Variants in TRIM23 observed in about 807,000 individuals in gnomAD.
TRIM23 encodes tripartite motif containing 23.
In TRIM23, 27 loss-of-function variants were observed where a neutral mutation model predicts 71.0. The observed-to-expected ratio is 0.38, with a 90% CI of 0.28 to 0.52. The LOEUF is 0.52. Ranked by LOEUF, TRIM23 falls within the 20% of genes least tolerant of loss-of-function variation. The pLI is 0.84. For missense variants in TRIM23, 482 were observed against 692.3 expected (o/e 0.70, Z 3.41); for synonymous variants, 234 against 238.0 (o/e 0.98, Z 0.16).
intron 1 of TRIM23, among the ~76,000 whole-genome samples, chr5:65,620,887 G>C (rs1450126433): frequency 6.7e-6 from 1 of 149,900 alleles, no homozygotes; most frequent in Non-Finnish European, 1.5e-5. Context: ...ACCAGCCTGG[G>C]CAACACAGCG....
chr5:65,621,552 T>G (rs760373564), intron 1 of TRIM23, among the ~76,000 whole-genome samples: 3 of 152,106 alleles, frequency 2.0e-5, no homozygotes, highest in Non-Finnish European at 4.4e-5. Flanking sequence ...AATGTATTTT[T>G]CAAAAAGCAC....
chr5:65,607,280 T>G (rs530127320), intron 6 of TRIM23: 1 of 152,216 alleles, frequency 6.6e-6, no homozygotes, highest in East Asian at 1.9e-4. Context: ...TAGATAATAC[T>G]GTATCATTAA....
chr5:65,594,735 A>G (rs1341263826), intron 9 of TRIM23, 90 bp from the exon 10 acceptor site: 5 of 1,212,014 alleles, frequency 4.1e-6, no homozygotes, highest in Non-Finnish European at 5.5e-6. Context: ...TTATTATGTT[A>G]TGGTTAGAGT....
intron 7 of TRIM23, among the ~76,000 whole-genome samples, chr5:65,604,232 G>A (rs1442239806): frequency 6.6e-6 from 1 of 152,088 alleles, no homozygotes; most frequent in Non-Finnish European, 1.5e-5. Flanking sequence ...AAGTAGCTGG[G>A]ATTATAGGCA....
intron 7 of TRIM23, among the ~76,000 whole-genome samples, chr5:65,603,146 C>T (rs1162338225): frequency 3.3e-5 from 5 of 151,934 alleles, no homozygotes; most frequent in East Asian, 1.9e-4. Flanking sequence ...TACCAGGGAC[C>T]GATGAGAGGG....
intron 1 of TRIM23, among the ~76,000 whole-genome samples, chr5:65,618,477 A>C (rs1425752359): frequency 6.6e-6 from 1 of 152,186 alleles, no homozygotes; most frequent in African/African-American, 2.4e-5. Flanking sequence ...TTGAAATACT[A>C]AGTGTTGGGG....
intron 2 of TRIM23, among the ~76,000 whole-genome samples, chr5:65,617,759 G>T (rs1206766256): frequency 1.3e-5 from 2 of 152,102 alleles, no homozygotes; most frequent in African/African-American, 4.8e-5. Context: ...AGAAAACATT[G>T]TTCTATTGGG....
intron 2 of TRIM23, among the ~76,000 whole-genome samples, chr5:65,614,911 T>C (rs1581189416): frequency 6.6e-6 from 1 of 152,298 alleles, no homozygotes; most frequent in South Asian, 2.1e-4. Context: ...TTTTACTTTT[T>C]TTTTGAGACA....
intron 1 of TRIM23, among the ~76,000 whole-genome samples, chr5:65,622,271 T>G (rs1020665363): frequency 6.6e-6 from 1 of 152,206 alleles, no homozygotes; most frequent in African/African-American, 2.4e-5. Context: ...GTTCAAGTGA[T>G]TCTCCTACCT....
At position 65,596,293 on chromosome 5, in the gene TRIM23, C is replaced by G. The variant is rs552133876; in HGVS notation, c.1420+128G>C. ...CTTTCATTTTTTACAAGTTAAGAAA[C>G]TGGCCACAGGTACTTAAGTATACAG... On this transcript the variant is annotated intron_variant, in intron 9 of 10. Coordinates refer to ENST00000231524, the MANE Select transcript of TRIM23 (RefSeq NM_001656.4). The G allele has an allele frequency of 1.1e-3, 750 of 655,992 alleles. 1 individual carries two copies. The highest frequency in any genetic ancestry group is 1.8e-3 in the Non-Finnish European group (661 of 369,566). 40.6% of individuals were successfully genotyped at this position (655,992 alleles called of 1,614,324 possible).
chr5:65,599,454 CAAAAGCA>C (rs978970423), intron 7 of TRIM23, among the ~76,000 whole-genome samples: 1 of 152,138 alleles, frequency 6.6e-6, no homozygotes, highest in Admixed American at 6.5e-5. Flanking sequence ...TATGTTGGTG[CAAAAGCA>C]ACTGCGGCTT....
intron 1 of TRIM23, among the ~76,000 whole-genome samples, chr5:65,619,047 T>C (rs1754848957): frequency 1.3e-5 from 2 of 152,234 alleles, no homozygotes; most frequent in East Asian, 3.8e-4. Flanking sequence ...AGTATATTTG[T>C]AGTGTTTCAT....
In TRIM23 at chr5:65,597,036, A is replaced by G; in HGVS notation, c.1309+15T>C. The G allele has an allele frequency of 1.2e-6, 2 of 1,613,324 alleles. No homozygotes were observed. The highest frequency in any genetic ancestry group is 1.7e-6 in the Non-Finnish European group (2 of 1,179,656). On this transcript the variant is annotated intron_variant, in intron 8 of 10. Coordinates refer to ENST00000231524, the MANE Select transcript of TRIM23 (RefSeq NM_001656.4). ...GGGTTTGTCTATTAAGGTAAAAACC[A>G]ATATTCATACTTACCAATTGTTGGA...
Position 65,592,072 on chromosome 5 carries a change from C to A in TRIM23, c.1546-124G>T, listed in dbSNP as rs116041618. On this transcript the variant is annotated intron_variant, in intron 10 of 10. Transcript: ENST00000231524. ...GAAGCCTAAACAAAAAACCTAGATT[C>A]ATCTTTCAGTAATTATTCTGAGATT... The A allele has an allele frequency of 6.8e-5, 61 of 898,598 alleles. No individual in the cohort carries two copies. In the Admixed American group the frequency reaches 1.8e-3, roughly 26 times the overall value. 55.7% of individuals were successfully genotyped at this position (898,598 alleles called of 1,614,324 possible). A position where few individuals can be genotyped will look rare whatever the true frequency, so the allele number is the denominator to read the frequency against.
At chr5:65,601,894 G>A (rs1754373240) in intron 7 of TRIM23, among the ~76,000 whole-genome samples, 1 of 152,128 alleles carries the variant, frequency 6.6e-6, no homozygotes, top group Non-Finnish European at 1.5e-5. Context: ...GGGACTCAGG[G>A]CATCAAGTCC....
intron 2 of TRIM23, among the ~76,000 whole-genome samples, chr5:65,615,163 A>T (rs1378605686): frequency 6.6e-6 from 1 of 152,110 alleles, no homozygotes; most frequent in Non-Finnish European, 1.5e-5. Context: ...CAGCCTCCCA[A>T]AGTGCTGGGA....
intron 7 of TRIM23, among the ~76,000 whole-genome samples, chr5:65,602,636 A>G (rs1311935467): frequency 6.6e-6 from 1 of 152,196 alleles, no homozygotes; most frequent in Non-Finnish European, 1.5e-5. Flanking sequence ...TGATAAGGAC[A>G]TACCCGAAAC....
chr5:65,618,103 T>C lies in TRIM23; in HGVS notation c.234A>G (p.Val78=), dbSNP rs779945834. 1.7e-5 allele frequency: 28 copies of C among 1,608,314 alleles called. No homozygotes were observed. Among genetic ancestry groups the C allele is most frequent in the East Asian group, 2.2e-5 (1 of 44,490 alleles). ...RAIRCPFDRQ[V]TDLGDSGVWG... ...AAATACTTTTCCTACCTAGGTCTGT[T>C]ACTTGTCGATCAAATGGGCAACGGA... Residue 78 remains valine (V), a synonymous_variant, in exon 2 of 11, where the codon GTA becomes GTG. Transcript: ENST00000231524.
rs1280668969 is a variant in TRIM23, at chr5:65,590,497, T to G, written c.*1272A>C. The G allele has an allele frequency of 1.7e-6, 2 of 1,204,904 alleles. No homozygotes were observed. The highest frequency in any genetic ancestry group is 2.1e-6 in the Non-Finnish European group (2 of 959,998). 74.6% of individuals were successfully genotyped at this position (1,204,904 alleles called of 1,614,324 possible). A position where few individuals can be genotyped will look rare whatever the true frequency, so the allele number is the denominator to read the frequency against. On this transcript the variant is annotated 3_prime_UTR_variant, in exon 11 of 11. Transcript: ENST00000231524. ...CCAGACATCACTGTCCTTACAACAA[T>G]TCAACTAATAAGATTTAAGATTTAA...
Sources: gnomAD v4.1 joint callset for allele counts (sites outside exome capture counted in the v4.1 genomes callset) on GRCh38, gnomAD v4.1.1 for gene constraint, MANE v1.5 for transcripts, NCBI Gene and HGNC (gene_info 2026-07-23, HGNC 2026-07-21) for gene names.